AHDC1: variants seen among roughly 807,000 people sequenced by gnomAD.
AHDC1 encodes the protein AT-hook DNA binding motif containing 1, also known as transcription factor Gibbin.
A neutral mutation model predicts 87.9 loss-of-function variants in AHDC1; 7 were observed. The ratio of observed to expected loss-of-function variants is 0.08; its 90% confidence interval spans 0.05 to 0.15. The LOEUF (loss-of-function observed/expected upper bound fraction) is 0.15. Ranked by LOEUF, AHDC1 falls within the 10% of genes least tolerant of loss-of-function variation. AHDC1 has a pLI of 1.00. For missense variants in AHDC1, 1,841 were observed against 2,253.2 expected (o/e 0.82, Z 3.70); for synonymous variants, 1,051 against 1,006.8 (o/e 1.04, Z -0.83).
chr1:27,539,245 T>A (rs1313422218), intron 8 of AHDC1, among the ~76,000 whole-genome samples: 1 of 150,864 alleles, frequency 6.6e-6, no homozygotes, highest in Non-Finnish European at 1.5e-5. Flanking sequence ...GCTCAAGCGA[T>A]CTTCCCACCT....
intron 3 of AHDC1, among the ~76,000 whole-genome samples, chr1:27,603,161 C>G (rs1192215064): frequency 6.7e-6 from 1 of 148,184 alleles, no homozygotes; most frequent in East Asian, 2.0e-4. Flanking sequence ...TCCCCGCCCC[C>G]CCTCCCCGTC....
intron 3 of AHDC1, among the ~76,000 whole-genome samples, chr1:27,586,293 G>A (rs2089055469): frequency 6.6e-6 from 1 of 152,086 alleles, no homozygotes; most frequent in African/African-American, 2.4e-5. Context: ...GGGAAAGGAG[G>A]AGCCACAGGT....
chr1:27,582,315 A>C lies in AHDC1; in HGVS notation c.-629+21082T>G, dbSNP rs115198056. The stretch of plus-strand genomic sequence containing the variant: ...TCAAGCCACACTGTCCTTATCTATA[A>C]AATTGGGATGGCAATACCTGTATCT... On this transcript the variant is annotated intron_variant, in intron 3 of 8. Coordinates refer to ENST00000673934, the MANE Select transcript of AHDC1 (RefSeq NM_001371928.1). 2.8e-3 allele frequency among the ~76,000 whole-genome samples: 420 copies of C among 152,332 alleles called. 1 individual carries two copies. The highest frequency in any genetic ancestry group is 4.3e-3 in the Non-Finnish European group (290 of 68,022).
chr1:27,578,588 CAA>C (rs1003583245), intron 3 of AHDC1, among the ~76,000 whole-genome samples: 2 of 139,708 alleles, frequency 1.4e-5, no homozygotes, highest in African/African-American at 2.6e-5. Flanking sequence ...GACTCCCTCT[CAA>C]AAAAAAAAAG....
chr1:27,586,934 T>C (rs1377432658), intron 3 of AHDC1, among the ~76,000 whole-genome samples: 1 of 152,168 alleles, frequency 6.6e-6, no homozygotes, highest in Non-Finnish European at 1.5e-5. Context: ...GAGTCAGGTC[T>C]CGGCAAGACC....
chr1:27,551,459 C>G lies in AHDC1; in HGVS notation c.657G>C (p.Thr219=), dbSNP rs148311907. ...CTGGGGGCAGACCCGTGGCCGCAGC[C>G]GTGGCTCCGGGACTATGGCCTTGGC... ...QPGQGHSPGA[T]AAATGLPPEP... The change falls in exon 8 of 9, where the codon ACG becomes ACC. Residue 219 remains threonine (T), a synonymous_variant. Coordinates refer to ENST00000673934, the MANE Select transcript of AHDC1 (RefSeq NM_001371928.1). 2 of 1,611,422 alleles carry G rather than the reference C, an allele frequency of 1.2e-6. No individual in the cohort carries two copies. Among genetic ancestry groups the G allele is most frequent in the Non-Finnish European group, 1.7e-6 (2 of 1,179,554 alleles).
chr1:27,584,289 C>A (rs2088986882), intron 3 of AHDC1, among the ~76,000 whole-genome samples: 1 of 152,100 alleles, frequency 6.6e-6, no homozygotes, highest in Non-Finnish European at 1.5e-5. Flanking sequence ...CTTTCTTTCT[C>A]CAGGTATTGG....
rs1397466628 is a variant in AHDC1, at chr1:27,593,610, C to G, written c.-629+9787G>C. ...TGCCAGCTGTGCCAGGGCGGATGGG[C>G]ACATATGTGCAAACACCCCCGGTGG... On this transcript the variant is annotated intron_variant, in intron 3 of 8. Coordinates refer to ENST00000673934, the MANE Select transcript of AHDC1 (RefSeq NM_001371928.1). This position sits in a 1 kb window ranked among gnomAD's most constrained non-coding sequence, Gnocchi z 4.9. 6.6e-6 allele frequency among the ~76,000 whole-genome samples: 1 copy of G among 152,230 alleles called. No individual in the cohort carries two copies. Among genetic ancestry groups the G allele is most frequent in the Non-Finnish European group, 1.5e-5 (1 of 68,028 alleles).
At position 27,563,644 on chromosome 1, in the gene AHDC1, G is replaced by A. The variant is rs1329968666; in HGVS notation, c.-628-4761C>T. The stretch of plus-strand genomic sequence containing the variant: ...TGAATGTCACCCCAGCACTGCCAGA[G>A]CCGGGCACAGCCACACATTGCCCCA... On this transcript the variant is annotated intron_variant, in intron 3 of 8. Coordinates refer to ENST00000673934, the MANE Select transcript of AHDC1 (RefSeq NM_001371928.1). This position sits in a 1 kb window ranked among gnomAD's most constrained non-coding sequence, Gnocchi z 6.1. 1.3e-5 allele frequency among the ~76,000 whole-genome samples: 2 copies of A among 152,212 alleles called. No individual in the cohort carries two copies. Among genetic ancestry groups the A allele is most frequent in the Non-Finnish European group, 2.9e-5 (2 of 68,038 alleles).
intron 3 of AHDC1, among the ~76,000 whole-genome samples, chr1:27,571,784 C>CG: frequency 6.6e-6 from 1 of 152,246 alleles, no homozygotes; most frequent in African/African-American, 2.4e-5. Flanking sequence ...ACAAACCCGC[C>CG]GGGGTGGGTT....
intron 3 of AHDC1, among the ~76,000 whole-genome samples, chr1:27,577,903 C>T (rs1557694808): frequency 2.6e-5 from 4 of 152,174 alleles, no homozygotes; most frequent in Non-Finnish European, 5.9e-5. Context: ...CCACCTGAGG[C>T]CAGGGAGTTA....
chr1:27,546,856 C>T (rs1157201304), intron 8 of AHDC1, among the ~76,000 whole-genome samples: 6 of 152,160 alleles, frequency 3.9e-5, no homozygotes, highest in African/African-American at 1.4e-4. Flanking sequence ...CTGCTTCTCC[C>T]TTCACCTGTC....
At chr1:27,599,755 C>A (rs1289730480) in intron 3 of AHDC1, among the ~76,000 whole-genome samples, 1 of 148,358 alleles carries the variant, frequency 6.7e-6, no homozygotes, top group Admixed American at 6.6e-5. Context: ...ACAGGCCACG[C>A]CCCCCCGGGT....
chr1:27,571,938 T>G (rs982090302), intron 3 of AHDC1, among the ~76,000 whole-genome samples: 6 of 151,880 alleles, frequency 4.0e-5, no homozygotes, highest in African/African-American at 7.3e-5. Context: ...TGGGGAGAGA[T>G]AGTGTGACAC....
At chr1:27,594,148 G>A (rs2089301558) in intron 3 of AHDC1, among the ~76,000 whole-genome samples, 1 of 152,194 alleles carries the variant, frequency 6.6e-6, no homozygotes, top group African/African-American at 2.4e-5. Flanking sequence ...GGAACAGATG[G>A]TGGAGATTCC....
chr1:27,585,403 A>C (rs2089025529), intron 3 of AHDC1, among the ~76,000 whole-genome samples: 1 of 152,188 alleles, frequency 6.6e-6, no homozygotes, highest in African/African-American at 2.4e-5. Flanking sequence ...GTTTTCTGAT[A>C]TATGAAACAA....
At position 27,548,156 on chromosome 1, in the gene AHDC1, G is replaced by A; in HGVS notation, c.3960C>T (p.Asp1320=). 6.2e-7 allele frequency: 1 copy of A among 1,613,826 alleles called. No individual in the cohort carries two copies. ...PDLGLDYYSG[D]SSMSPLPSQS... ...GTGAGGGCAGTGGTGACATGCTGCT[G>A]TCCCCGCTATAGTAGTCCAGGCCGA... is the stretch of plus-strand genomic sequence containing the variant. The change falls in exon 8 of 9, where the codon GAC becomes GAT. Residue 1320 remains aspartate (D), a synonymous_variant. Transcript: ENST00000673934.
rs564195583 is a variant in AHDC1, at chr1:27,562,406, T to G, written c.-628-3523A>C. Among the ~76,000 whole-genome samples the G allele has an allele frequency of 4.4e-3, 675 of 152,150 alleles. 15 individuals are homozygous for G. Among genetic ancestry groups the G allele is most frequent in the Admixed American group, 0.033 (508 of 15,304 alleles). On this transcript the variant is annotated intron_variant, in intron 3 of 8. Transcript: ENST00000673934. The surrounding 1 kb of genome is among the most constrained non-coding windows in gnomAD (Gnocchi z 4.4). ...AATCCTGTGGCTCCAGAGCCTTAAT[T>G]AGTTTAACAGTTTCAGGGGCAGGAG...
In AHDC1 at chr1:27,560,166, G is replaced by A. The variant is rs1173206674; in HGVS notation, c.-628-1283C>T. ...TTGGTGTCTTCAGTCATACATGTGG[G>A]TATGTGCACTTTTCACGTTTATTTC... is the stretch of plus-strand genomic sequence containing the variant. On this transcript the variant is annotated intron_variant, in intron 3 of 8. Coordinates refer to ENST00000673934, the MANE Select transcript of AHDC1 (RefSeq NM_001371928.1). The surrounding 1 kb of genome is among the most constrained non-coding windows in gnomAD (Gnocchi z 4.1). Among the ~76,000 whole-genome samples the A allele has an allele frequency of 6.6e-6, 1 of 151,772 alleles. No homozygotes were observed. Among genetic ancestry groups the A allele is most frequent in the Non-Finnish European group, 1.5e-5 (1 of 67,990 alleles).
Sources: allele counts gnomAD v4.1 joint callset (sites outside exome capture counted in the v4.1 genomes callset), GRCh38; gene constraint gnomAD v4.1.1; non-coding constraint Gnocchi (gnomAD v3.1); transcripts MANE v1.5; gene names NCBI Gene and HGNC (gene_info 2026-07-23, HGNC 2026-07-21).